Variants in XBP1 observed in about 807,000 individuals in gnomAD.
XBP1 encodes the protein X-box binding protein 1.
In XBP1, 18 loss-of-function variants were observed where a neutral mutation model predicts 34.6. That is an observed-to-expected ratio of 0.52 (90% CI 0.36 to 0.77). The LOEUF is 0.77. Ranked by LOEUF, XBP1 falls within the 30% of genes least tolerant of loss-of-function variation. The pLI is 0.00. For synonymous variants in XBP1, 191 were observed against 193.4 expected (o/e 0.99, Z 0.11); for missense variants, 422 against 464.6 (o/e 0.91, Z 0.84).
rs757220289 is a variant in XBP1, at chr22:28,799,837, TAAG to T, written c.227+458_227+460del. ...AGACCTCATGAAGTAGGTTCCATTT[TAAG>T]AACGCAGATACTGAGCTAGACCAGT... On this transcript the variant is annotated intron_variant, in intron 1 of 5. Transcript: ENST00000344347. 3.0e-3 allele frequency: 1,833 copies of T among 615,500 alleles called. 7 individuals are homozygous for T. The highest frequency in any genetic ancestry group is 3.8e-3 in the Non-Finnish European group (1,285 of 336,044). The allele number at this position is 615,500 out of a possible 1,614,324, so 38.1% of individuals were successfully genotyped here. A position where few individuals can be genotyped will look rare whatever the true frequency, so the allele number is the denominator to read the frequency against.
chr22:28,798,962 G>T, intron 2 of XBP1, 95 bp downstream of exon 2: 1 of 956,574 alleles, frequency 1.0e-6, no homozygotes, highest in Non-Finnish European at 1.6e-6. Context: ...ATTCTAATAG[G>T]GGCTGAAACA....
In XBP1 at chr22:28,800,460, C is replaced by T. The variant is rs548654399; in HGVS notation, c.65G>A (p.Gly22Glu). ...GGCTCCGGCGGCGGAGGCGGGCTGC[C>T]CCGACAGAAGCAGAACTTTAGGGGT... Residue 22 changes from glycine (G) to glutamate (E), a missense_variant, in exon 1 of 6, where the codon GGG (glycine) becomes GAG (glutamate). Gly to Glu is a moderately conservative substitution (Grantham distance 98, BLOSUM62 -2). Transcript: ENST00000344347. 2.0e-4 allele frequency: 290 copies of T among 1,476,024 alleles called. 2 individuals are homozygous for T. In the South Asian group the frequency reaches 3.6e-3, roughly 18 times the overall value. 91.4% of individuals were successfully genotyped at this position (1,476,024 alleles called of 1,614,324 possible). A position where few individuals can be genotyped will look rare whatever the true frequency, so the allele number is the denominator to read the frequency against.
chr22:28,799,254 A>G (rs2031817790), intron 1 of XBP1, 101 bp from the exon 2 acceptor site: 7 of 798,652 alleles, frequency 8.8e-6, no homozygotes, highest in Non-Finnish European at 1.4e-5. Context: ...TATTTACAGT[A>G]TAAGACAGAC....
At position 28,796,064 on chromosome 22, in the gene XBP1, C is replaced by T; in HGVS notation, c.556G>A (p.Asp186Asn). 6.2e-7 allele frequency: 1 copy of T among 1,614,146 alleles called. No individual in the cohort carries two copies. The highest frequency in any genetic ancestry group is 8.5e-7 in the Non-Finnish European group (1 of 1,180,022). The change falls in exon 5 of 6, where the codon GAC (aspartate) becomes AAC (asparagine). Residue 186 changes from aspartate to asparagine, a missense_variant. Asp to Asn is a conservative substitution (Grantham distance 23, BLOSUM62 1). Transcript: ENST00000344347. Reference sequence around the variant, plus strand: ...ATCCCTACCTCTGAATCTGAAGAGTCAATACCGCCAGAATCCATGGGGAGA... The same window carrying T: ...ATCCCTACCTCTGAATCTGAAGAGTTAATACCGCCAGAATCCATGGGGAGA...
downstream of XBP1, chr22:28,795,105 G>C: frequency 2.1e-6 from 3 of 1,424,666 alleles, no homozygotes; most frequent in Non-Finnish European, 2.8e-6. Context: ...ATGAAGTACA[G>C]ACAGGCTTCT....
exon 6 of XBP1, chr22:28,795,380 T>C: frequency 6.4e-7 from 1 of 1,553,920 alleles, no homozygotes; most frequent in African/African-American, 1.4e-5. Context: ...CGGAACGAGG[T>C]CATCTTCTAC....
At chr22:28,797,797 G>C (rs973602375) in intron 2 of XBP1, among the ~76,000 whole-genome samples, 2 of 149,954 alleles carry the variant, frequency 1.3e-5, no homozygotes, top group African/African-American at 4.9e-5. Context: ...TAATGATGAT[G>C]ATAATAATAA....
At chr22:28,798,970 A>G (rs781172612) in intron 2 of XBP1, 87 bp downstream of exon 2, 13 of 1,122,624 alleles carry the variant, frequency 1.2e-5, no homozygotes, top group Non-Finnish European at 1.7e-5. Context: ...AGGGGCTGAA[A>G]CAACTTGGGA....
Position 28,800,386 on chromosome 22 carries a change from TG to T in XBP1, c.138del (p.Ser47AlafsTer21). 6.5e-7 allele frequency: 1 copy of T among 1,536,480 alleles called. No individual in the cohort carries two copies. The highest frequency in any genetic ancestry group is 8.7e-7 in the Non-Finnish European group (1 of 1,144,908). Reference sequence around the variant, plus strand: ...AGCCCCCCGCTCGCTGCCTCCGGGCTGGCCCCTCTCTGGGCTGGCACCATGA... The same window carrying T: ...AGCCCCCCGCTCGCTGCCTCCGGGCTGCCCCTCTCTGGGCTGGCACCATGA... On this transcript the variant is annotated frameshift_variant, in exon 1 of 6. Transcript: ENST00000344347. LOFTEE classifies it high-confidence loss of function.
exon 6 of XBP1, chr22:28,795,412 A>C (rs1387484354): frequency 6.4e-7 from 1 of 1,569,628 alleles, no homozygotes; most frequent in African/African-American, 1.4e-5. Flanking sequence ...TCACTGAGAC[A>C]ATGAATTCAG....
intron 1 of XBP1, 166 bp downstream of exon 1, chr22:28,800,132 G>A (rs991344048): frequency 1.2e-6 from 1 of 817,380 alleles, no homozygotes; most frequent in South Asian, 1.6e-5. Context: ...CGGTCAGTCC[G>A]GGCTTCCTGC....
intron 1 of XBP1, chr22:28,799,833 A>C: frequency 1.6e-6 from 1 of 613,974 alleles, no homozygotes. Flanking sequence ...AGTAGGTTCC[A>C]TTTTAAGAAC....
At chr22:28,797,167 C>A in exon 3 of XBP1, 1 of 1,613,476 alleles carries the variant, frequency 6.2e-7, no homozygotes, top group South Asian at 1.1e-5. Context: ...CATGAGTTTT[C>A]TCTCGTAAAA....
intron 3 of XBP1, 94 bp from the exon 4 acceptor site, chr22:28,796,286 T>C (rs1317628927): frequency 8.0e-7 from 1 of 1,253,016 alleles, no homozygotes; most frequent in Non-Finnish European, 1.1e-6. Flanking sequence ...GAATTACTTT[T>C]CAAAAAGATT....
exon 2 of XBP1, chr22:28,799,149 G>C: frequency 6.2e-7 from 1 of 1,613,358 alleles, no homozygotes; most frequent in East Asian, 2.2e-5. Context: ...CTGTTTTTCA[G>C]TTTCCTAGGA....
At chr22:28,800,256 C>T in intron 1 of XBP1, 42 bp downstream of exon 1, 5 of 1,544,550 alleles carry the variant, frequency 3.2e-6, no homozygotes, top group Admixed American at 2.0e-5. Flanking sequence ...TGTCCCTAGT[C>T]CCGGCTTCAG....
chr22:28,800,517 A>T, exon 1 of XBP1: 1 of 1,491,064 alleles, frequency 6.7e-7, no homozygotes, highest in South Asian at 1.3e-5. Flanking sequence ...GGCTGCCACC[A>T]CCACCATAGC....
At chr22:28,794,715 G>A (rs2031710895), downstream of XBP1, 1 of 153,226 alleles carries the variant, frequency 6.5e-6, no homozygotes, top group South Asian at 2.1e-4. Context: ...GTATACATGA[G>A]GGAAAGAGCC....
chr22:28,796,346 T>G (rs1353640606), intron 3 of XBP1, 154 bp from the exon 4 acceptor site: 1 of 645,424 alleles, frequency 1.5e-6, no homozygotes, highest in African/African-American at 1.9e-5. Flanking sequence ...ATTATTATTA[T>G]TGAGAAGAGC....
Sources: allele counts gnomAD v4.1 joint callset (sites outside exome capture counted in the v4.1 genomes callset), GRCh38; gene constraint gnomAD v4.1.1; transcripts MANE v1.5; gene names NCBI Gene and HGNC (gene_info 2026-07-23, HGNC 2026-07-21).